The following FRMPD4 variants were observed in gnomAD, a reference collection of about 807,000 sequenced individuals.
FRMPD4 encodes the protein FERM and PDZ domain containing 4.
A neutral mutation model predicts 94.1 loss-of-function variants in FRMPD4; 22 were observed. That is an observed-to-expected ratio of 0.23 (90% CI 0.17 to 0.33). FRMPD4 has a LOEUF of 0.33. FRMPD4 is among the 10% of genes least tolerant of loss of function. The probability of loss-of-function intolerance (pLI) is 1.00; values close to 1 mark genes in which losing one functional copy is unlikely to be tolerated. For synonymous variants in FRMPD4, 631 were observed against 548.6 expected (o/e 1.15, Z -2.10); for missense variants, 1,111 against 1,339.9 (o/e 0.83, Z 2.67).
chrX:12,057,902 T>A (rs1477640959), intron 3 of FRMPD4, among the ~76,000 whole-genome samples: 4 of 111,741 alleles, frequency 3.6e-5, no homozygotes, highest in Non-Finnish European at 7.5e-5. Flanking sequence ...TGCCTTTTAA[T>A]CTTTGCTTGA....
intron 3 of FRMPD4, among the ~76,000 whole-genome samples, chrX:12,044,598 T>G (rs1221590145): frequency 8.9e-6 from 1 of 112,023 alleles, no homozygotes; most frequent in African/African-American, 3.2e-5. Flanking sequence ...TTGAGCTGGA[T>G]TTTGAATAAT....
chrX:12,089,088 A>G (rs1426652030), intron 3 of FRMPD4, among the ~76,000 whole-genome samples: 3 of 112,175 alleles, frequency 2.7e-5, no homozygotes, highest in Non-Finnish European at 5.6e-5. Flanking sequence ...TCCTTGACTC[A>G]ATATTATGTT....
chrX:12,585,611 C>T (rs1404257174), intron 2 of FRMPD4, among the ~76,000 whole-genome samples: 1 of 112,045 alleles, frequency 8.9e-6, no homozygotes, highest in East Asian at 2.8e-4. Flanking sequence ...ATAACCCTCG[C>T]TTCTACTTCT....
At chrX:12,077,008 C>T (rs2055024908) in intron 3 of FRMPD4, among the ~76,000 whole-genome samples, 1 of 111,875 alleles carries the variant, frequency 8.9e-6, no homozygotes, top group South Asian at 3.8e-4. Context: ...TTTTTCTTCT[C>T]AAATTATTTC....
chrX:12,318,405 G>A (rs2055158778), intron 1 of FRMPD4, among the ~76,000 whole-genome samples: 1 of 111,473 alleles, frequency 9.0e-6, no homozygotes, highest in South Asian at 3.8e-4. Flanking sequence ...CATGCCTGTG[G>A]TCCTAGCTAC....
chrX:12,710,318 T>C, intron 13 of FRMPD4, 81 bp from the exon 14 acceptor site: 1 of 796,780 alleles, frequency 1.3e-6, no homozygotes, highest in East Asian at 3.3e-5. Flanking sequence ...CCTTTTTCCA[T>C]AAGCATAAAT....
At chrX:12,219,244 C>A (rs762295669) in intron 1 of FRMPD4, among the ~76,000 whole-genome samples, 1 of 111,393 alleles carries the variant, frequency 9.0e-6, no homozygotes. Context: ...TGGTATGCAC[C>A]TGTATTCCCA....
intron 1 of FRMPD4, among the ~76,000 whole-genome samples, chrX:12,476,633 C>A (rs2057602897): frequency 1.8e-5 from 2 of 111,959 alleles, no homozygotes; most frequent in Admixed American, 9.4e-5. Flanking sequence ...AAACAAACAA[C>A]CCCATCAAGA....
chrX:11,893,411 GTT>G (rs2053885549), intron 3 of FRMPD4, among the ~76,000 whole-genome samples: 1 of 112,144 alleles, frequency 8.9e-6, no homozygotes, highest in Non-Finnish European at 1.9e-5. Flanking sequence ...TTGAATATAA[GTT>G]TTGCCTGAAT....
intron 3 of FRMPD4, among the ~76,000 whole-genome samples, chrX:12,028,107 A>G (rs1002600277): frequency 8.9e-6 from 1 of 112,050 alleles, no homozygotes; most frequent in Non-Finnish European, 1.9e-5. Flanking sequence ...GCACGTCACA[A>G]GCTTGAAAGC....
At chrX:12,140,550 G>T (rs1380078365) in intron 1 of FRMPD4, among the ~76,000 whole-genome samples, 1 of 112,055 alleles carries the variant, frequency 8.9e-6, no homozygotes, top group African/African-American at 3.2e-5. Flanking sequence ...GGTACCCTCC[G>T]TGTGATGGAC....
In FRMPD4 at chrX:12,275,063, T is replaced by C. The variant is rs2054415497; in HGVS notation, c.41+136051T>C. Among the ~76,000 whole-genome samples, 5 of 111,988 alleles carry C rather than the reference T, an allele frequency of 4.5e-5. No homozygotes were observed. The South Asian group carries it at 1.9e-3, about 42-fold the overall frequency. Reference sequence around the variant, plus strand: ...CTGTAGCCCCAGATAGAATGTGATATTGTTTAGCTATTTGTCCCCACCCAA... The same window carrying C: ...CTGTAGCCCCAGATAGAATGTGATACTGTTTAGCTATTTGTCCCCACCCAA... On this transcript the variant is annotated intron_variant, in intron 1 of 16. Coordinates refer to ENST00000675598, the MANE Select transcript of FRMPD4 (RefSeq NM_001368397.1).
intron 5 of FRMPD4, among the ~76,000 whole-genome samples, chrX:12,680,539 G>C (rs1289087794): frequency 8.9e-6 from 1 of 112,168 alleles, no homozygotes; most frequent in Non-Finnish European, 1.9e-5. Flanking sequence ...CTATGTAGTT[G>C]TTATCCAAAA....
At chrX:12,269,437 G>T (rs2147841959) in intron 1 of FRMPD4, among the ~76,000 whole-genome samples, 1 of 111,947 alleles carries the variant, frequency 8.9e-6, no homozygotes, top group South Asian at 3.8e-4. Context: ...GGCAAGTCCG[G>T]GAATCAGTTT....
At chrX:12,488,365 A>G (rs761376079) in intron 1 of FRMPD4, among the ~76,000 whole-genome samples, 11 of 112,124 alleles carry the variant, frequency 9.8e-5, no homozygotes, top group African/African-American at 3.6e-4. Flanking sequence ...AAAACCTTTA[A>G]ATATCAGCTT....
chrX:11,928,541 G>C (rs1365809449), intron 3 of FRMPD4, among the ~76,000 whole-genome samples: 1 of 112,177 alleles, frequency 8.9e-6, no homozygotes, highest in African/African-American at 3.2e-5. Flanking sequence ...GATGAGATTT[G>C]GGTGGGGACA....
intron 3 of FRMPD4, among the ~76,000 whole-genome samples, chrX:12,611,749 G>A (rs2059185974): frequency 8.9e-6 from 1 of 111,905 alleles, no homozygotes; most frequent in Non-Finnish European, 1.9e-5. Context: ...TTAGACTTGT[G>A]CTATCTGCTA....
intron 1 of FRMPD4, among the ~76,000 whole-genome samples, chrX:12,448,560 A>G (rs959010211): frequency 8.9e-6 from 1 of 112,270 alleles, no homozygotes; most frequent in African/African-American, 3.2e-5. Flanking sequence ...CTTTGGCTGG[A>G]AAGAAAATAA....
At chrX:12,341,275 A>C (rs1177029985) in intron 1 of FRMPD4, among the ~76,000 whole-genome samples, 1 of 111,630 alleles carries the variant, frequency 9.0e-6, no homozygotes, top group East Asian at 2.8e-4. Context: ...AAATATATCA[A>C]AAAAATTAAT....
Sources: allele counts gnomAD v4.1 joint callset (sites outside exome capture counted in the v4.1 genomes callset), GRCh38; gene constraint gnomAD v4.1.1; transcripts MANE v1.5; gene names NCBI Gene and HGNC (gene_info 2026-07-23, HGNC 2026-07-21).